The following USP32 variants were observed in gnomAD, a reference collection of about 807,000 sequenced individuals.
USP32 encodes the protein ubiquitin specific peptidase 32.
Under a neutral mutation model 204.8 loss-of-function variants are expected in USP32, and 59 were observed. The observed-to-expected ratio is 0.29, with a 90% CI of 0.23 to 0.36. The LOEUF is 0.36. Among genes scored for constraint, USP32 ranks in the 10% least tolerant of loss-of-function variants. USP32 has a pLI of 1.00. For missense variants in USP32, 1,160 were observed against 1,946.4 expected (o/e 0.60, Z 7.60); for synonymous variants, 517 against 678.4 (o/e 0.76, Z 3.70).
At chr17:60,214,331 G>T (rs2085048730) in intron 17 of USP32, among the ~76,000 whole-genome samples, 2 of 152,072 alleles carry the variant, frequency 1.3e-5, no homozygotes, top group South Asian at 4.1e-4. Flanking sequence ...ACTGTCCATG[G>T]TGATCAATTG....
At chr17:60,243,953 A>G (rs2085943147) in intron 11 of USP32, among the ~76,000 whole-genome samples, 1 of 149,582 alleles carries the variant, frequency 6.7e-6, no homozygotes, top group Non-Finnish European at 1.5e-5. Flanking sequence ...ACGTATGGCT[A>G]TATTTGTATG....
chr17:60,397,136 C>A (rs2089905940), intron 1 of USP32, among the ~76,000 whole-genome samples: 1 of 152,196 alleles, frequency 6.6e-6, no homozygotes, highest in Non-Finnish European at 1.5e-5. Flanking sequence ...GAATTCTAAT[C>A]AGCAATTAAA....
intron 2 of USP32, among the ~76,000 whole-genome samples, chr17:60,310,175 C>G (rs2087821409): frequency 6.6e-6 from 1 of 152,198 alleles, no homozygotes. Flanking sequence ...TAAATTAGAA[C>G]AGCTATGGCT....
intron 5 of USP32, among the ~76,000 whole-genome samples, chr17:60,286,925 A>G (rs985196778): frequency 1.1e-4 from 16 of 152,204 alleles, no homozygotes; most frequent in Admixed American, 4.6e-4. Context: ...AGGCGGGTGG[A>G]TCACTTGAGG....
chr17:60,311,420 A>G (rs1261357013), intron 2 of USP32, among the ~76,000 whole-genome samples: 1 of 152,178 alleles, frequency 6.6e-6, no homozygotes, highest in Non-Finnish European at 1.5e-5. Context: ...CATCCCAGTA[A>G]ATAATATGAT....
At chr17:60,365,333 T>C (rs2089291545) in intron 1 of USP32, among the ~76,000 whole-genome samples, 1 of 151,772 alleles carries the variant, frequency 6.6e-6, no homozygotes, top group South Asian at 2.1e-4. Context: ...ATATAAAAAT[T>C]AGCCAGGCAT....
intron 1 of USP32, among the ~76,000 whole-genome samples, chr17:60,380,657 A>G (rs955976584): frequency 6.6e-6 from 1 of 152,240 alleles, no homozygotes; most frequent in African/African-American, 2.4e-5. Context: ...AATATTTTAC[A>G]TAGGAATACA....
rs2084195951 is a variant in USP32 at position 60,184,442 on chromosome 17, C to G, written c.3835-989G>C. ...TTATTAATTTCTTGTGCATCATTCC[C>G]TGGGAAGCTGTTCTGGTCTAAGAAA... On this transcript the variant is annotated intron_variant, in intron 30 of 33. Coordinates refer to ENST00000300896, the MANE Select transcript of USP32 (RefSeq NM_032582.4). 2.0e-5 allele frequency among the ~76,000 whole-genome samples: 3 copies of G among 152,128 alleles called. No homozygotes were observed. The South Asian group carries it at 6.2e-4, about 31-fold the overall frequency.
chr17:60,292,812 C>T (rs1008324237), intron 4 of USP32, among the ~76,000 whole-genome samples: 1 of 151,774 alleles, frequency 6.6e-6, no homozygotes, highest in Non-Finnish European at 1.5e-5. Flanking sequence ...TTTTGTTACT[C>T]CTCTACTCAA....
At chr17:60,211,253 A>G (rs1034055880) in intron 20 of USP32, 123 bp downstream of exon 20, 2 of 1,507,690 alleles carry the variant, frequency 1.3e-6, no homozygotes, top group East Asian at 2.3e-5. Context: ...GGCCTATTTC[A>G]TATTAAATAG....
intron 9 of USP32, chr17:60,256,838 T>G: frequency 1.3e-6 from 1 of 783,852 alleles, no homozygotes; most frequent in South Asian, 1.7e-5. Context: ...ATTGGGCCAG[T>G]CAACATTAAT....
At chr17:60,310,045 G>GAA (rs151127410) in intron 2 of USP32, among the ~76,000 whole-genome samples, 3 of 145,084 alleles carry the variant, frequency 2.1e-5, no homozygotes, top group African/African-American at 7.6e-5. Context: ...CTCCATCAAG[G>GAA]AAAAAAAAAA....
chr17:60,312,009 T>C (rs1344064723), intron 2 of USP32, among the ~76,000 whole-genome samples: 2 of 152,196 alleles, frequency 1.3e-5, no homozygotes, highest in Non-Finnish European at 2.9e-5. Context: ...TATCATGGCT[T>C]TTAGAGTCAG....
intron 11 of USP32, among the ~76,000 whole-genome samples, chr17:60,252,157 T>C (rs1247560381): frequency 6.6e-6 from 1 of 152,138 alleles, no homozygotes; most frequent in Non-Finnish European, 1.5e-5. Flanking sequence ...AAAAATGAAA[T>C]TTAGTATTCA....
At chr17:60,302,027 T>C (rs2145891924) in intron 2 of USP32, among the ~76,000 whole-genome samples, 1 of 152,320 alleles carries the variant, frequency 6.6e-6, no homozygotes, top group Non-Finnish European at 1.5e-5. Context: ...AACACTTTAT[T>C]ATAAAATCTG....
At position 60,279,530 on chromosome 17, in the gene USP32, C is replaced by T. The variant is rs184210116; in HGVS notation, c.572-8049G>A. Reference sequence around the variant, plus strand: ...TATCTATATTTCACAAGTAATTTTACAAATAAAATCTGAAGTATTTAAATA... The same window carrying T: ...TATCTATATTTCACAAGTAATTTTATAAATAAAATCTGAAGTATTTAAATA... On this transcript the variant is annotated intron_variant, in intron 5 of 33. Transcript: ENST00000300896. Among the ~76,000 whole-genome samples, 373 of 149,646 alleles carry T rather than the reference C, an allele frequency of 2.5e-3. 2 individuals are homozygous for T. Among genetic ancestry groups the T allele is most frequent in the African/African-American group, 8.9e-3 (365 of 40,796 alleles).
intron 1 of USP32, among the ~76,000 whole-genome samples, chr17:60,407,566 C>T (rs1341034939): frequency 6.6e-6 from 1 of 152,074 alleles, no homozygotes; most frequent in African/African-American, 2.4e-5. Context: ...CAATCTGGTA[C>T]AACAAAGACC....
At chr17:60,366,585 T>C (rs1188579418) in intron 1 of USP32, among the ~76,000 whole-genome samples, 1 of 151,994 alleles carries the variant, frequency 6.6e-6, no homozygotes, top group East Asian at 1.9e-4. Context: ...TTAATGGTAA[T>C]AGTTCTTGGA....
chr17:60,266,187 T>TTAAAGCAAG (rs1160696128), intron 7 of USP32, 96 bp from the exon 8 acceptor site: 8 of 848,772 alleles, frequency 9.4e-6, no homozygotes, highest in Middle Eastern at 4.6e-4. Context: ...TACTTAGTTT[T>TTAAAGCAAG]TAAAGCAAGT....
Sources: gnomAD v4.1 joint callset for allele counts (sites outside exome capture counted in the v4.1 genomes callset) on GRCh38, gnomAD v4.1.1 for gene constraint, MANE v1.5 for transcripts, NCBI Gene and HGNC (gene_info 2026-07-23, HGNC 2026-07-21) for gene names.